Variants in ZBTB46 observed in about 807,000 individuals in gnomAD.
ZBTB46 encodes the protein zinc finger and BTB domain containing 46, also known as zinc finger and BTB domain-containing protein 46.
Under a neutral mutation model 44.1 loss-of-function variants are expected in ZBTB46, and 8 were observed. The observed-to-expected ratio is 0.18, with a 90% CI of 0.11 to 0.33. ZBTB46 has a LOEUF of 0.33. ZBTB46 is among the 10% of genes least tolerant of loss of function. The pLI is 1.00. For synonymous variants in ZBTB46, 409 were observed against 382.3 expected (o/e 1.07, Z -0.81); for missense variants, 651 against 847.7 (o/e 0.77, Z 2.88).
intron 1 of ZBTB46, among the ~76,000 whole-genome samples, chr20:63,815,627 CAGGTGCAGTGGGTACAGGTGGGCAT>C (rs1229506662): frequency 7.0e-6 from 1 of 143,384 alleles, no homozygotes; most frequent in Non-Finnish European, 1.5e-5. Context: ...GCAGAAGGTG[CAGGTGCAGTGGGTACAGGTGGGCAT>C]AGGTGCAGTG....
At chr20:63,756,694 C>T (rs1046511838) in intron 3 of ZBTB46, among the ~76,000 whole-genome samples, 2 of 152,262 alleles carry the variant, frequency 1.3e-5, no homozygotes, top group African/African-American at 2.4e-5. Flanking sequence ...TCTGGCCCTC[C>T]CCTAGTTGTA....
chr20:63,831,518 G>A (rs1380384970), upstream of ZBTB46, among the ~76,000 whole-genome samples: 2 of 147,596 alleles, frequency 1.4e-5, no homozygotes, highest in African/African-American at 4.9e-5. Flanking sequence ...CCCGCGGGCA[G>A]CCGGACAGCG....
rs61747121 is a variant in ZBTB46 at position 63,747,080 on chromosome 20, G to A, written c.1620C>T (p.Asp540=). The A allele has an allele frequency of 1.4e-4, 218 of 1,609,060 alleles. No homozygotes were observed. In the African/African-American group the frequency reaches 2.7e-3, roughly 20 times the overall value. Residue 540 remains aspartate, a synonymous_variant, in exon 5 of 5, where the codon GAC becomes GAT. Transcript: ENST00000245663. The part of the protein sequence containing the change: ...GDGPYLEDPE[D]PRGEAEELGE... ...CCAGCTCCTCCGCCTCCCCTCGTGG[G>A]TCCTCAGGGTCCTCCAGATAGGGCC...
At chr20:63,775,631 C>T (rs765971967) in intron 3 of ZBTB46, 47 bp downstream of exon 3, 4 of 1,517,602 alleles carry the variant, frequency 2.6e-6, no homozygotes, top group Admixed American at 2.2e-5. Context: ...AACCCTCAGC[C>T]TTCAAAACCA....
chr20:63,786,757 G>A (rs566076817), intron 2 of ZBTB46, among the ~76,000 whole-genome samples: 21 of 152,210 alleles, frequency 1.4e-4, no homozygotes, highest in South Asian at 2.1e-4. Flanking sequence ...TGATCCGCCC[G>A]CCTTGGCCTC....
intron 1 of ZBTB46, among the ~76,000 whole-genome samples, chr20:63,797,903 G>A (rs1424754960): frequency 6.6e-6 from 1 of 152,078 alleles, no homozygotes; most frequent in Non-Finnish European, 1.5e-5. Flanking sequence ...CTGGATATTC[G>A]CCCTTTGTCA....
At chr20:63,768,096 T>C in intron 3 of ZBTB46, 1 of 985,450 alleles carries the variant, frequency 1.0e-6, no homozygotes, top group Non-Finnish European at 1.2e-6. Context: ...CAATCACTAC[T>C]AAGACAGCCT....
chr20:63,820,517 C>A (rs923110874), intron 1 of ZBTB46, among the ~76,000 whole-genome samples: 1 of 151,452 alleles, frequency 6.6e-6, no homozygotes, highest in African/African-American at 2.4e-5. Context: ...GCTCACACAA[C>A]CTCCACCTCC....
chr20:63,818,417 G>T (rs557032621), intron 1 of ZBTB46, among the ~76,000 whole-genome samples: 4 of 152,206 alleles, frequency 2.6e-5, no homozygotes, highest in African/African-American at 9.7e-5. Flanking sequence ...GTGCCGCCCC[G>T]CAGTCAGTTC....
chr20:63,774,687 G>A (rs1290752279), intron 3 of ZBTB46, among the ~76,000 whole-genome samples: 1 of 121,242 alleles, frequency 8.2e-6, no homozygotes, highest in Non-Finnish European at 1.7e-5. Context: ...TGGCTGCGGT[G>A]GGTTTTTTTT....
intron 2 of ZBTB46, among the ~76,000 whole-genome samples, chr20:63,777,221 A>C (rs372495141): frequency 1.8e-4 from 28 of 152,258 alleles, no homozygotes; most frequent in African/African-American, 6.7e-4. Flanking sequence ...TCCAGTCCCA[A>C]CATTTTGGGA....
chr20:63,766,354 T>A (rs2145822666), intron 3 of ZBTB46, among the ~76,000 whole-genome samples: 1 of 151,956 alleles, frequency 6.6e-6, no homozygotes, highest in East Asian at 1.9e-4. Context: ...TAGCTGGGAT[T>A]ACAGGCGCCC....
intron 2 of ZBTB46, among the ~76,000 whole-genome samples, chr20:63,784,751 G>A (rs747162390): frequency 1.3e-5 from 2 of 152,204 alleles, no homozygotes; most frequent in Non-Finnish European, 2.9e-5. Flanking sequence ...CTGTAACTCA[G>A]AAATAAATTT....
intron 2 of ZBTB46, among the ~76,000 whole-genome samples, chr20:63,784,527 C>T (rs2092496821): frequency 6.6e-6 from 1 of 152,222 alleles, no homozygotes; most frequent in South Asian, 2.1e-4. Flanking sequence ...GGCACCTGGG[C>T]TGTTTCTTTA....
upstream of ZBTB46, among the ~76,000 whole-genome samples, chr20:63,832,801 G>A (rs1319047815): frequency 3.3e-5 from 5 of 152,142 alleles, no homozygotes; most frequent in African/African-American, 4.8e-5. This position sits in a 1 kb window ranked among gnomAD's most constrained non-coding sequence, Gnocchi z 5.0. Context: ...GGGAAGTGGG[G>A]GCTGAGCACA....
At chr20:63,778,241 C>T (rs569053582) in intron 2 of ZBTB46, among the ~76,000 whole-genome samples, 34 of 152,268 alleles carry the variant, frequency 2.2e-4, no homozygotes, top group African/African-American at 8.2e-4. Context: ...CAAAAGGTGA[C>T]GACTTGAGTC....
chr20:63,802,144 T>C (rs1484213819), intron 1 of ZBTB46, among the ~76,000 whole-genome samples: 1 of 152,118 alleles, frequency 6.6e-6, no homozygotes, highest in Non-Finnish European at 1.5e-5. Context: ...TCGCTGGGGC[T>C]GGACACGATG....
At chr20:63,761,068 G>A (rs995126953) in intron 3 of ZBTB46, among the ~76,000 whole-genome samples, 3 of 144,680 alleles carry the variant, frequency 2.1e-5, no homozygotes, top group South Asian at 2.2e-4. Context: ...CCATGATCTC[G>A]GCTCGCTGCA....
At chr20:63,756,865 T>C (rs568363510) in intron 3 of ZBTB46, among the ~76,000 whole-genome samples, 2 of 152,256 alleles carry the variant, frequency 1.3e-5, no homozygotes, top group South Asian at 2.1e-4. Context: ...TGGTACTCCA[T>C]GACACCACTA....
Sources: allele counts gnomAD v4.1 joint callset (sites outside exome capture counted in the v4.1 genomes callset), GRCh38; gene constraint gnomAD v4.1.1; non-coding constraint Gnocchi (gnomAD v3.1); transcripts MANE v1.5; gene names NCBI Gene and HGNC (gene_info 2026-07-23, HGNC 2026-07-21).